Variants in DCDC2 observed in about 807,000 individuals in gnomAD.
The protein encoded by DCDC2 is doublecortin domain-containing protein 2.
In DCDC2, 40 loss-of-function variants were observed where a neutral mutation model predicts 50.2. That is an observed-to-expected ratio of 0.80 (90% CI 0.62 to 1.04). The LOEUF (loss-of-function observed/expected upper bound fraction) is 1.04. Ranked by LOEUF, DCDC2 falls within the 50% of genes least tolerant of loss-of-function variation. DCDC2 has a pLI of 0.00. For synonymous variants in DCDC2, 234 were observed against 210.6 expected (o/e 1.11, Z -0.96); for missense variants, 570 against 581.9 (o/e 0.98, Z 0.21).
intron 4 of DCDC2, 21 bp downstream of exon 4, chr6:24,301,694 T>C: frequency 6.2e-7 from 1 of 1,611,556 alleles, no homozygotes. Context: ...CTCCTCCACT[T>C]ACAAGATTGT....
intron 8 of DCDC2, among the ~76,000 whole-genome samples, chr6:24,184,138 C>T (rs1305559722): frequency 6.6e-6 from 1 of 152,200 alleles, no homozygotes; most frequent in Non-Finnish European, 1.5e-5. Context: ...AAACAAAAGG[C>T]AGTCTTGTCC....
rs10685261 is a variant in DCDC2 at position 24,275,866 on chromosome 6, A to AT, written c.922+2182dup. Reference sequence around the variant, plus strand: ...CAAAAGCAAAAATGCCAATAATTCAATTTTTTTTTTTTTTTTTTTTTTAGG... The same window carrying AT: ...CAAAAGCAAAAATGCCAATAATTCAATTTTTTTTTTTTTTTTTTTTTTTAGG... On this transcript the variant is annotated intron_variant, in intron 7 of 9. Coordinates refer to ENST00000378454, the MANE Select transcript of DCDC2 (RefSeq NM_016356.5). 3.2e-3 allele frequency among the ~76,000 whole-genome samples: 341 copies of AT among 108,094 alleles called. 4 individuals are homozygous for AT. Among genetic ancestry groups the AT allele is most frequent in the African/African-American group, 0.011 (318 of 29,410 alleles). The allele number at this position is 108,094 out of a possible 152,430, so 70.9% of individuals were successfully genotyped here. A position where few individuals can be genotyped will look rare whatever the true frequency, so the allele number is the denominator to read the frequency against.
Position 24,317,080 on chromosome 6 carries a change from C to CGT in DCDC2, c.349-15037_349-15036insAC, listed in dbSNP as rs1207249230. 7.5e-3 allele frequency among the ~76,000 whole-genome samples: 1,140 copies of CGT among 151,950 alleles called. 11 individuals carry two copies. Among genetic ancestry groups the CGT allele is most frequent in the African/African-American group, 0.026 (1,062 of 41,448 alleles). Reference sequence around the variant, plus strand: ...AAAACACTACATATATGCACACATACATGCATACATCTGTATTTACAGATG... The same window carrying CGT: ...AAAACACTACATATATGCACACATACGTATGCATACATCTGTATTTACAGATG... On this transcript the variant is annotated intron_variant, in intron 2 of 9. Transcript: ENST00000378454.
intron 2 of DCDC2, among the ~76,000 whole-genome samples, chr6:24,317,507 T>C (rs893469022): frequency 1.3e-5 from 2 of 152,012 alleles, no homozygotes; most frequent in African/African-American, 2.4e-5. Flanking sequence ...CCAAATGGAA[T>C]AGTAATATAA....
chr6:24,177,827 C>T (rs1204831662), intron 9 of DCDC2, among the ~76,000 whole-genome samples: 2 of 152,126 alleles, frequency 1.3e-5, no homozygotes, highest in Admixed American at 1.3e-4. Flanking sequence ...GTGTTGAATG[C>T]TTAATTTGAT....
chr6:24,193,040 C>T (rs1269696732), intron 8 of DCDC2, among the ~76,000 whole-genome samples: 1 of 151,870 alleles, frequency 6.6e-6, no homozygotes, highest in African/African-American at 2.4e-5. Flanking sequence ...AAACAGAATG[C>T]CAAACTTCTC....
chr6:24,251,757 G>C (rs1192613027), intron 7 of DCDC2, among the ~76,000 whole-genome samples: 1 of 152,084 alleles, frequency 6.6e-6, no homozygotes. Flanking sequence ...CCCTTCTCCT[G>C]ATTCTGTATG....
intron 8 of DCDC2, among the ~76,000 whole-genome samples, chr6:24,182,134 T>C (rs1198824544): frequency 1.2e-4 from 18 of 152,198 alleles, no homozygotes; most frequent in Admixed American, 1.2e-3. Context: ...AGTTGTATCC[T>C]TACCTAACAT....
the DCDC2 span, among the ~76,000 whole-genome samples, chr6:24,374,405 C>G: frequency 6.6e-6 from 1 of 151,530 alleles, no homozygotes; most frequent in Non-Finnish European, 1.5e-5. Context: ...AACCCCATCT[C>G]TACTAAAAAC....
At chr6:24,282,760 T>C (rs1166506709) in intron 6 of DCDC2, among the ~76,000 whole-genome samples, 1 of 130,688 alleles carries the variant, frequency 7.7e-6, no homozygotes, top group Non-Finnish European at 1.5e-5. Context: ...CCAGAGACAT[T>C]ATAAGCTGGG....
chr6:24,367,685 T>C, the DCDC2 span, among the ~76,000 whole-genome samples: 1 of 152,180 alleles, frequency 6.6e-6, no homozygotes, highest in Admixed American at 6.5e-5. Flanking sequence ...ACACAAATTC[T>C]CTCTGGAGGA....
At chr6:24,222,152 C>G (rs1397215623) in intron 7 of DCDC2, among the ~76,000 whole-genome samples, 1 of 152,014 alleles carries the variant, frequency 6.6e-6, no homozygotes, top group African/African-American at 2.4e-5. Flanking sequence ...AACTGTAGGG[C>G]AGTGTACAAA....
chr6:24,218,217 T>C (rs540718508), intron 7 of DCDC2, among the ~76,000 whole-genome samples: 1 of 152,278 alleles, frequency 6.6e-6, no homozygotes, highest in East Asian at 1.9e-4. Context: ...CTCAGTAGCC[T>C]CAATTAATGA....
At chr6:24,353,258 C>T (rs939115471) in intron 2 of DCDC2, 17 of 481,394 alleles carry the variant, frequency 3.5e-5, no homozygotes, top group Middle Eastern at 3.2e-4. Context: ...TATTTAACAA[C>T]GCTCAGAATC....
At position 24,205,441 on chromosome 6, in the gene DCDC2, C is replaced by T. The variant is rs373173841; in HGVS notation, c.923-339G>A. 627 of 1,082,410 alleles carry T rather than the reference C, an allele frequency of 5.8e-4. 9 individuals are homozygous for T. In the South Asian group the frequency reaches 0.01, roughly 17 times the overall value. The allele number at this position is 1,082,410 out of a possible 1,614,324, so 67.1% of individuals were successfully genotyped here. A position where few individuals can be genotyped will look rare whatever the true frequency, so the allele number is the denominator to read the frequency against. On this transcript the variant is annotated intron_variant, in intron 7 of 9. Transcript: ENST00000378454. ...CAAGTATCATCCCAGTTCTCCCCTC[C>T]TATTCACAAAACAGTGAAAATGCTT...
At chr6:24,209,018 T>C (rs1761794463) in intron 7 of DCDC2, among the ~76,000 whole-genome samples, 1 of 152,166 alleles carries the variant, frequency 6.6e-6, no homozygotes, top group East Asian at 1.9e-4. Context: ...ATTAGAAAAT[T>C]AAAATCATTT....
chr6:24,226,753 C>A (rs576309591), intron 7 of DCDC2, among the ~76,000 whole-genome samples: 2 of 152,072 alleles, frequency 1.3e-5, no homozygotes, highest in Non-Finnish European at 2.9e-5. Flanking sequence ...GGAAATAGAC[C>A]GAACAGTATC....
At chr6:24,251,741 T>C (rs945463719) in intron 7 of DCDC2, among the ~76,000 whole-genome samples, 9 of 152,206 alleles carry the variant, frequency 5.9e-5, no homozygotes, top group Admixed American at 3.9e-4. Flanking sequence ...TATAAGTAAA[T>C]CAACTCCCTT....
At position 24,205,000 on chromosome 6, in the gene DCDC2, A is replaced by G. The variant is rs776292933; in HGVS notation, c.1023+2T>C. ...ACATATTTTTTAAGGCATGGAGATT[A>G]CCTGATCGACTGGAACCTCAACCTG... On this transcript the variant is annotated splice_donor_variant, in intron 8 of 9. Transcript: ENST00000378454. LOFTEE classifies it high-confidence loss of function. 6.2e-7 allele frequency: 1 copy of G among 1,612,798 alleles called. No homozygotes were observed. Among genetic ancestry groups the G allele is most frequent in the South Asian group, 1.1e-5 (1 of 90,900 alleles).
Sources: gnomAD v4.1 joint callset for allele counts (sites outside exome capture counted in the v4.1 genomes callset) on GRCh38, gnomAD v4.1.1 for gene constraint, MANE v1.5 for transcripts, NCBI Gene and HGNC (gene_info 2026-07-23, HGNC 2026-07-21) for gene names.